Variants in C1orf185 observed in about 807,000 individuals in gnomAD.
The protein encoded by C1orf185 is chromosome 1 open reading frame 185.
A neutral mutation model predicts 16.1 loss-of-function variants in C1orf185; 13 were observed. The observed-to-expected ratio is 0.81, with a 90% confidence interval of 0.53 to 1.28. The LOEUF is 1.28. C1orf185 is among the 50% of genes most tolerant of loss of function. The probability of loss-of-function intolerance (pLI) is 0.00; values close to 1 mark genes in which losing one functional copy is unlikely to be tolerated. For synonymous variants in C1orf185, 80 were observed against 76.9 expected (o/e 1.04, Z -0.21); for missense variants, 220 against 225.2 (o/e 0.98, Z 0.15).
intron 3 of C1orf185, among the ~76,000 whole-genome samples, chr1:51,128,917 C>T (rs1284830809): frequency 1.3e-5 from 2 of 151,620 alleles, no homozygotes; most frequent in Non-Finnish European, 2.9e-5. Flanking sequence ...TGGAGTCTGG[C>T]GAGGTCACCC....
chr1:51,113,248 G>C (rs762988681), intron 2 of C1orf185, among the ~76,000 whole-genome samples: 8 of 151,884 alleles, frequency 5.3e-5, no homozygotes, highest in Admixed American at 2.0e-4. Context: ...AGATATTTAA[G>C]AAAAAAGCTG....
chr1:51,148,185 G>C (rs1646413519), downstream of C1orf185: 1 of 155,906 alleles, frequency 6.4e-6, no homozygotes, highest in Admixed American at 6.3e-5. Flanking sequence ...GTGCAGTGGT[G>C]TGATCTCAGT....
intron 2 of C1orf185, among the ~76,000 whole-genome samples, chr1:51,115,013 C>G (rs1646147662): frequency 6.6e-6 from 1 of 152,090 alleles, no homozygotes; most frequent in Admixed American, 6.6e-5. Context: ...GTTCTTGTAT[C>G]ATAATGGACT....
intron 1 of C1orf185, among the ~76,000 whole-genome samples, chr1:51,103,084 G>T (rs1408726888): frequency 6.6e-6 from 1 of 151,872 alleles, no homozygotes; most frequent in African/African-American, 2.4e-5. Context: ...CAGAGAACAT[G>T]GTATATATAA....
intron 2 of C1orf185, among the ~76,000 whole-genome samples, chr1:51,117,234 G>T (rs1399341094): frequency 6.6e-6 from 1 of 152,062 alleles, no homozygotes; most frequent in African/African-American, 2.4e-5. Flanking sequence ...AATTGTTAAT[G>T]CCTCATTAAC....
chr1:51,122,007 T>C (rs1202325221), intron 3 of C1orf185, among the ~76,000 whole-genome samples: 1 of 152,206 alleles, frequency 6.6e-6, no homozygotes, highest in African/African-American at 2.4e-5. Flanking sequence ...TAATATATTA[T>C]TAAATTTCAT....
chr1:51,144,297 G>A (rs886849424), intron 3 of C1orf185, among the ~76,000 whole-genome samples: 1 of 152,176 alleles, frequency 6.6e-6, no homozygotes, highest in African/African-American at 2.4e-5. Flanking sequence ...AGTCTGAGAA[G>A]CAATATTCTA....
At chr1:51,107,037 G>A (rs1283163045) in intron 1 of C1orf185, among the ~76,000 whole-genome samples, 2 of 152,104 alleles carry the variant, frequency 1.3e-5, no homozygotes, top group African/African-American at 2.4e-5. Context: ...GATTACAGGC[G>A]TGAGCCACCG....
At chr1:51,113,071 G>A (rs1011587345) in intron 2 of C1orf185, among the ~76,000 whole-genome samples, 1 of 151,440 alleles carries the variant, frequency 6.6e-6, no homozygotes, top group African/African-American at 2.4e-5. Flanking sequence ...CGCCCGCCTC[G>A]GCCTCCCAAA....
At chr1:51,141,630 G>A (rs1042095539) in intron 3 of C1orf185, among the ~76,000 whole-genome samples, 1 of 152,132 alleles carries the variant, frequency 6.6e-6, no homozygotes, top group Non-Finnish European at 1.5e-5. Context: ...TTAAGAGGTG[G>A]GAGTTATGAA....
intron 1 of C1orf185, chr1:51,107,316 A>C (rs1360989485): frequency 3.3e-5 from 5 of 152,196 alleles, no homozygotes; most frequent in Non-Finnish European, 1.5e-5. Context: ...TCACTACTGC[A>C]CTTGGCTAGT....
At chr1:51,109,528 G>C (rs1160411598) in intron 1 of C1orf185, among the ~76,000 whole-genome samples, 1 of 150,250 alleles carries the variant, frequency 6.7e-6, no homozygotes, top group East Asian at 1.9e-4. Context: ...TTTTTTTCTA[G>C]TTGTTTTATA....
At chr1:51,143,443 C>G (rs1209938339) in intron 3 of C1orf185, among the ~76,000 whole-genome samples, 1 of 152,170 alleles carries the variant, frequency 6.6e-6, no homozygotes, top group East Asian at 1.9e-4. Context: ...TCCATTACTA[C>G]CATTATTTAG....
intron 1 of C1orf185, among the ~76,000 whole-genome samples, chr1:51,105,159 G>T (rs1166293488): frequency 6.6e-6 from 1 of 151,716 alleles, no homozygotes; most frequent in East Asian, 1.9e-4. Flanking sequence ...TAGAGATGGG[G>T]TTTCACCATG....
At chr1:51,108,812 A>G (rs1464825414) in intron 1 of C1orf185, among the ~76,000 whole-genome samples, 13 of 152,184 alleles carry the variant, frequency 8.5e-5, no homozygotes, top group Admixed American at 8.5e-4. Context: ...TTATTCATTC[A>G]TTTATTGATG....
chr1:51,128,668 G>A (rs1458186369), intron 3 of C1orf185, among the ~76,000 whole-genome samples: 1 of 152,010 alleles, frequency 6.6e-6, no homozygotes, highest in African/African-American at 2.4e-5. Context: ...GCTCCAGCCT[G>A]GGTGACAGAG....
At chr1:51,140,958 A>G (rs950045525) in intron 3 of C1orf185, among the ~76,000 whole-genome samples, 4 of 152,070 alleles carry the variant, frequency 2.6e-5, no homozygotes, top group African/African-American at 4.8e-5. Context: ...GTTGTTTTCT[A>G]TTTTATTGAT....
At chr1:51,150,294 C>T (rs145082956), downstream of C1orf185, among the ~76,000 whole-genome samples, 548 of 151,576 alleles carry the variant, frequency 3.6e-3, 2 homozygotes, top group Non-Finnish European at 4.4e-3. Flanking sequence ...CAGGTTCAAG[C>T]GATATCTCCT....
intron 1 of C1orf185, among the ~76,000 whole-genome samples, chr1:51,102,962 T>C (rs1211362096): frequency 1.3e-5 from 2 of 152,200 alleles, no homozygotes; most frequent in African/African-American, 4.8e-5. Context: ...TTCACTGATT[T>C]CTTCTTTAAT....
Sources: gnomAD v4.1 joint callset for allele counts (sites outside exome capture counted in the v4.1 genomes callset) on GRCh38, gnomAD v4.1.1 for gene constraint, MANE v1.5 for transcripts, NCBI Gene and HGNC (gene_info 2026-07-23, HGNC 2026-07-21) for gene names.